MYBBP1A: variants seen among roughly 807,000 people sequenced by gnomAD.
MYBBP1A encodes the protein MYB binding protein 1a, also known as myb-binding protein 1A.
Under a neutral mutation model 136.3 loss-of-function variants are expected in MYBBP1A, and 147 were observed. The ratio of observed to expected loss-of-function variants is 1.08; its 90% CI spans 0.94 to 1.24. MYBBP1A has a LOEUF of 1.24. Ranked by LOEUF, MYBBP1A falls within the 50% of genes most tolerant of loss-of-function variation. MYBBP1A has a pLI of 0.00. For synonymous variants in MYBBP1A, 947 were observed against 735.8 expected (o/e 1.29, Z -4.65); for missense variants, 2,060 against 1,727.4 (o/e 1.19, Z -3.41).
At position 4,548,428 on chromosome 17, in the gene MYBBP1A, C is replaced by T; in HGVS notation, c.1556+96G>A. 6.2e-7 allele frequency: 1 copy of T among 1,606,390 alleles called. No homozygotes were observed. Among genetic ancestry groups the T allele is most frequent in the African/African-American group, 1.3e-5 (1 of 74,890 alleles). On this transcript the variant is annotated intron_variant, in intron 11 of 25. Transcript: ENST00000254718. The surrounding 1 kb of genome is among the most constrained non-coding windows in gnomAD (Gnocchi z 4.2). ...CCAGGACCTACTAGAACTCCGGGGG[C>T]CTCTGCCGTTGTTCCCAGCTTAGGG...
rs376866252 is a variant in MYBBP1A, at chr17:4,545,853, C to T, written c.1914G>A (p.Lys638=). The stretch of plus-strand genomic sequence containing the variant: ...TCGTGACCAAGGACCCACCGATGGT[C>T]TTGGTGCGGCTCCGGCGGGGCTTCT... ...LGEKPRRSRT[K]TIDPQEPPWV... Residue 638 remains lysine, a synonymous_variant, in exon 14 of 26, where the codon AAG becomes AAA. Transcript: ENST00000254718. 4 of 1,613,090 alleles carry T rather than the reference C, an allele frequency of 2.5e-6. No homozygotes were observed. The highest frequency in any genetic ancestry group is 2.5e-6 in the Non-Finnish European group (3 of 1,179,940).
In MYBBP1A at chr17:4,539,855, T is replaced by A; in HGVS notation, c.3547A>T (p.Lys1183Ter). Residue 1183 changes from lysine to a stop codon, truncating the protein, a stop_gained, in exon 26 of 26, where the codon AAA (lysine) becomes TAA (stop). Coordinates refer to ENST00000254718, the MANE Select transcript of MYBBP1A (RefSeq NM_014520.4). LOFTEE classifies it low-confidence loss of function (END_TRUNC). ...GGCGTGCCATCCTCTGACTTGCGTTTCTTGCGCTTCTTCGTCTCTGGCAAG... is the reference window on the plus strand; with the variant it reads ...GGCGTGCCATCCTCTGACTTGCGTTACTTGCGCTTCTTCGTCTCTGGCAAG... ...GFLPETKKRK[K>*]RKSEDGTPAE... 1 of 1,607,478 alleles carries A rather than the reference T, an allele frequency of 6.2e-7. No individual in the cohort carries two copies. The highest frequency in any genetic ancestry group is 2.2e-5 in the East Asian group (1 of 44,862).
intron 24 of MYBBP1A, 63 bp downstream of exon 24, chr17:4,541,400 C>G (rs1444421875): frequency 7.0e-7 from 1 of 1,427,372 alleles, no homozygotes; most frequent in Admixed American, 1.7e-5. Context: ...CACTGCTGGC[C>G]GGGAGGCCCC....
At chr17:4,545,416 AC>A in intron 15 of MYBBP1A, 71 bp from the exon 16 acceptor site, 1 of 1,585,708 alleles carries the variant, frequency 6.3e-7, no homozygotes, top group Non-Finnish European at 8.6e-7. Flanking sequence ...CTCAGCCTTG[AC>A]CAAAGACCTC....
chr17:4,546,939 T>C (rs1443115909), intron 13 of MYBBP1A, among the ~76,000 whole-genome samples: 1 of 148,024 alleles, frequency 6.8e-6, no homozygotes, highest in Non-Finnish European at 1.5e-5. Flanking sequence ...TAAGACAGAA[T>C]CTTGTTCTGT....
chr17:4,540,237 CGTGTGCAGTGTGCGTGTGCAGCAGCGTGT>C, intron 25 of MYBBP1A, 82 bp downstream of exon 25: 1 of 1,361,134 alleles, frequency 7.3e-7, no homozygotes, highest in Non-Finnish European at 9.8e-7. Context: ...CAGCAGCATG[CGTGTGCAGTGTGCGTGTGCAGCAGCGTGT>C]GTGCAGCGTG....
At chr17:4,541,612 C>G (rs759506857) in intron 23 of MYBBP1A, 48 bp from the exon 24 acceptor site, 5 of 1,583,034 alleles carry the variant, frequency 3.2e-6, no homozygotes, top group African/African-American at 1.3e-5. Context: ...CTGCTCAAAG[C>G]CTTTCTGTTT....
At position 4,555,187 on chromosome 17, in the gene MYBBP1A, C is replaced by A; in HGVS notation, c.138G>T (p.Glu46Asp). The change falls in exon 1 of 26, where the codon GAG becomes GAT. Residue 46 changes from glutamate to aspartate, a missense_variant. Physicochemically the swap from Glu to Asp is conservative, Grantham distance 45. Coordinates refer to ENST00000254718, the MANE Select transcript of MYBBP1A (RefSeq NM_014520.4). ...CCGTGGCCGCAAGTCGCGTCTCCTGCTCAGGCTTCGCAATGTCCCAGAAGA... is the reference window on the plus strand; with the variant it reads ...CCGTGGCCGCAAGTCGCGTCTCCTGATCAGGCTTCGCAATGTCCCAGAAGA... ...LDFFWDIAKP[E>D]QETRLAATEK... 6.2e-7 allele frequency: 1 copy of A among 1,608,210 alleles called. No homozygotes were observed. The highest frequency in any genetic ancestry group is 1.7e-5 in the Admixed American group (1 of 59,330).
In MYBBP1A at chr17:4,542,496, G is replaced by A. The variant is rs769151044; in HGVS notation, c.3055C>T (p.His1019Tyr). Reference protein sequence around the residue: ...CQSLLPILVQHITGPVRPRHQ... With the variant: ...CQSLLPILVQYITGPVRPRHQ... ...CGGGGCCGCACCGGGCCCGTGATAT[G>A]CTGGACCAGGATGGGGAGCAGGCTC... The change falls in exon 22 of 26, where the codon CAT becomes TAT. Residue 1019 changes from histidine (H) to tyrosine (Y), a missense_variant. Physicochemically the swap from His to Tyr is moderately conservative, Grantham distance 83 (BLOSUM62 2). Transcript: ENST00000254718. 1.5e-5 allele frequency: 24 copies of A among 1,612,220 alleles called. No homozygotes were observed. The highest frequency in any genetic ancestry group is 1.7e-4 in the Middle Eastern group (1 of 5,974).
At position 4,552,442 on chromosome 17, in the gene MYBBP1A, C is replaced by T. The variant is rs1227064964; in HGVS notation, c.737+9G>A. 3 of 1,611,446 alleles carry T rather than the reference C, an allele frequency of 1.9e-6. No individual in the cohort carries two copies. Among genetic ancestry groups the T allele is most frequent in the African/African-American group, 1.3e-5 (1 of 74,974 alleles). On this transcript the variant is annotated intron_variant, in intron 6 of 25. Coordinates refer to ENST00000254718, the MANE Select transcript of MYBBP1A (RefSeq NM_014520.4). This position sits in a 1 kb window ranked among gnomAD's most constrained non-coding sequence, Gnocchi z 4.7. ...CCAGGGAGGGCAAATCCGCCCACCT[C>T]CATCACACCTGGGGACATTCTCATC... is the stretch of plus-strand genomic sequence containing the variant.
Position 4,555,286 on chromosome 17 carries a change from T to C in MYBBP1A, c.39A>G (p.Gly13=). 6.2e-7 allele frequency: 1 copy of C among 1,610,156 alleles called. No homozygotes were observed. Among genetic ancestry groups the C allele is most frequent in the Non-Finnish European group, 8.5e-7 (1 of 1,178,934 alleles). The change falls in exon 1 of 26, where the codon GGA becomes GGG. Residue 13 remains glycine, a synonymous_variant. Coordinates refer to ENST00000254718, the MANE Select transcript of MYBBP1A (RefSeq NM_014520.4). ...GCCGGGCGCCACTCTGCGTCGCTTC[T>C]CCAGGCGACATCGGCTGGGCGGGAT... ...SRDPAQPMSP[G]EATQSGARPA... is the part of the protein sequence containing the mutation.
rs1299168576 is a variant in MYBBP1A, at chr17:4,555,357, G to A, written c.-33C>T. The A allele has an allele frequency of 6.4e-7, 1 of 1,569,874 alleles. No homozygotes were observed. The highest frequency in any genetic ancestry group is 1.3e-5 in the African/African-American group (1 of 74,206). ...ACACTCACCGAAACACGAAACACGT[G>A]TGCTCCGGCCCCAGCCGCTTCCAGG... is the stretch of plus-strand genomic sequence containing the variant. On this transcript the variant is annotated 5_prime_UTR_variant, in exon 1 of 26. Transcript: ENST00000254718.
rs1368335602 is a variant in MYBBP1A at position 4,544,893 on chromosome 17, T to C, written c.2339A>G (p.Glu780Gly). ...LGGEDSENEE[E>G]LGDEAMMALD... The stretch of plus-strand genomic sequence containing the variant: ...GGCCATCATGGCCTCATCCCCCAGC[T>C]CCTCCTCGTTCTCACTGTCCTCTCC... Residue 780 changes from glutamate to glycine, a missense_variant, in exon 18 of 26, where the codon GAG becomes GGG. Physicochemically the swap from Glu to Gly is moderately conservative, Grantham distance 98. Coordinates refer to ENST00000254718, the MANE Select transcript of MYBBP1A (RefSeq NM_014520.4). 6.2e-7 allele frequency: 1 copy of C among 1,604,686 alleles called. No homozygotes were observed. The highest frequency in any genetic ancestry group is 8.5e-7 in the Non-Finnish European group (1 of 1,175,152).
At chr17:4,542,363 T>C (rs755073864) in intron 22 of MYBBP1A, 101 bp downstream of exon 22, 13 of 1,335,346 alleles carry the variant, frequency 9.7e-6, no homozygotes, top group Non-Finnish European at 1.3e-5. Flanking sequence ...GTGCCCGTGC[T>C]CACCAGGACA....
At chr17:4,553,073 C>T (rs1240777747) in intron 5 of MYBBP1A, among the ~76,000 whole-genome samples, 7 of 152,218 alleles carry the variant, frequency 4.6e-5, no homozygotes, top group Non-Finnish European at 2.9e-5. Context: ...CTGCCCACCT[C>T]GGCCTCCCAA....
intron 2 of MYBBP1A, 42 bp downstream of exon 2, chr17:4,554,819 T>C: frequency 6.3e-7 from 1 of 1,594,786 alleles, no homozygotes; most frequent in African/African-American, 1.3e-5. Context: ...CCCCACCATT[T>C]TGACCTGGAT....
Position 4,539,817 on chromosome 17 carries a change from G to A in MYBBP1A, c.3585C>T (p.Gly1195=), listed in dbSNP as rs200372939. The stretch of plus-strand genomic sequence containing the variant: ...GGCTCCCGCCGGTGGCTGCAGGTGT[G>A]CCATCCTCCGCTGGCGTGCCATCCT... The part of the protein sequence containing the change: ...KSEDGTPAED[G]TPAATGGSQP... The change falls in exon 26 of 26, where the codon GGC becomes GGT. Residue 1195 remains glycine, a synonymous_variant. Transcript: ENST00000254718. The A allele has an allele frequency of 8.4e-5, 136 of 1,611,172 alleles. No individual in the cohort carries two copies. The East Asian group carries it at 2.7e-3, about 31-fold the overall frequency.
At position 4,548,221 on chromosome 17, in the gene MYBBP1A, G is replaced by C. The variant is rs1907173386; in HGVS notation, c.1646C>G (p.Ala549Gly). The C allele has an allele frequency of 6.2e-7, 1 of 1,610,228 alleles. No homozygotes were observed. Among genetic ancestry groups the C allele is most frequent in the African/African-American group, 1.3e-5 (1 of 74,956 alleles). The change falls in exon 12 of 26, where the codon GCA (alanine) becomes GGA (glycine). Residue 549 changes from alanine (A) to glycine (G), a missense_variant. Ala to Gly is a moderately conservative substitution (Grantham distance 60, BLOSUM62 0). Transcript: ENST00000254718. The surrounding 1 kb of genome is among the most constrained non-coding windows in gnomAD (Gnocchi z 4.2). ...GTGGCTGTGATTCAACAGGAGGTCTGCGAACTGCACCAGGTGGTAGGTCCA... is the reference window on the plus strand; with the variant it reads ...GTGGCTGTGATTCAACAGGAGGTCTCCGAACTGCACCAGGTGGTAGGTCCA... Reference protein sequence around the residue: ...QPWTYHLVQFADLLLNHSHNV... With the variant: ...QPWTYHLVQFGDLLLNHSHNV...
chr17:4,539,732 C>T lies in MYBBP1A; in HGVS notation c.3670G>A (p.Ala1224Thr). Residue 1224 changes from alanine to threonine, a missense_variant, in exon 26 of 26, where the codon GCA becomes ACA. Physicochemically the swap from Ala to Thr is moderately conservative, Grantham distance 58. Coordinates refer to ENST00000254718, the MANE Select transcript of MYBBP1A (RefSeq NM_014520.4). ...NRTKAKVPAQANGTPTTKSPA... is the reference protein window; with the variant it reads ...NRTKAKVPAQTNGTPTTKSPA... ...CTCTTGGTGGTTGGCGTCCCGTTTG[C>T]CTGGGCTGGGACCTTAGCCTTTGTC... The T allele has an allele frequency of 6.2e-7, 1 of 1,610,270 alleles. No homozygotes were observed. The highest frequency in any genetic ancestry group is 8.5e-7 in the Non-Finnish European group (1 of 1,177,582).
Sources: gnomAD v4.1 joint callset for allele counts (sites outside exome capture counted in the v4.1 genomes callset) on GRCh38, gnomAD v4.1.1 for gene constraint, Gnocchi (gnomAD v3.1) non-coding constraint, MANE v1.5 for transcripts, NCBI Gene and HGNC (gene_info 2026-07-23, HGNC 2026-07-21) for gene names.